The following KCNAB1 variants were observed in gnomAD, a reference collection of about 807,000 sequenced individuals.
KCNAB1 encodes potassium voltage-gated channel subfamily A regulatory beta subunit 1, also known as voltage-gated potassium channel subunit beta-1.
A neutral mutation model predicts 64.6 loss-of-function variants in KCNAB1; 35 were observed. The ratio of observed to expected loss-of-function variants is 0.54; its 90% CI spans 0.41 to 0.72. KCNAB1 has a LOEUF of 0.72. KCNAB1 is among the 30% of genes least tolerant of loss of function. The pLI is 0.00. For synonymous variants in KCNAB1, 177 were observed against 183.8 expected, an observed-to-expected ratio of 0.96 and a Z score of 0.30; for missense variants, 401 against 512.9, an observed-to-expected ratio of 0.78 and a Z score of 2.11.
At chr3:156,179,930 G>T (rs1468327683) in intron 1 of KCNAB1, among the ~76,000 whole-genome samples, 1 of 152,094 alleles carries the variant, frequency 6.6e-6, no homozygotes, top group Non-Finnish European at 1.5e-5. Flanking sequence ...TATCTATGTG[G>T]TAGGCTCTGT....
At chr3:156,246,933 C>T (rs115424689) in intron 1 of KCNAB1, among the ~76,000 whole-genome samples, 120 of 152,276 alleles carry the variant, frequency 7.9e-4, no homozygotes, top group African/African-American at 2.8e-3. Context: ...TGATTTAGAG[C>T]ATGAGAACTA....
At chr3:156,396,656 T>C (rs1241065492) in intron 1 of KCNAB1, among the ~76,000 whole-genome samples, 1 of 152,230 alleles carries the variant, frequency 6.6e-6, no homozygotes, top group Non-Finnish European at 1.5e-5. Flanking sequence ...TAATAAAGCC[T>C]GTTGCTCCTA....
intron 1 of KCNAB1, among the ~76,000 whole-genome samples, chr3:156,413,541 A>G (rs1245329722): frequency 2.0e-5 from 3 of 152,218 alleles, no homozygotes; most frequent in East Asian, 1.9e-4. Flanking sequence ...CCCATGTAAC[A>G]GATGGGACAC....
intron 1 of KCNAB1, among the ~76,000 whole-genome samples, chr3:156,415,426 T>C (rs1714981864): frequency 6.6e-6 from 1 of 151,992 alleles, no homozygotes; most frequent in Non-Finnish European, 1.5e-5. Context: ...CACACACATC[T>C]GGTGAACACC....
chr3:156,369,789 A>C (rs886179065), intron 1 of KCNAB1, among the ~76,000 whole-genome samples: 2 of 152,224 alleles, frequency 1.3e-5, no homozygotes, highest in Non-Finnish European at 2.9e-5. Flanking sequence ...AGTTTCTTCT[A>C]ACATAAAATG....
At chr3:156,307,562 C>T (rs1025766327) in intron 1 of KCNAB1, among the ~76,000 whole-genome samples, 1 of 151,980 alleles carries the variant, frequency 6.6e-6, no homozygotes, top group African/African-American at 2.4e-5. Context: ...AAAAGAAAAT[C>T]AAGGGCTGTG....
At chr3:156,418,396 T>C (rs1715238192) in intron 1 of KCNAB1, among the ~76,000 whole-genome samples, 1 of 152,242 alleles carries the variant, frequency 6.6e-6, no homozygotes, top group South Asian at 2.1e-4. Context: ...TTATTTGATA[T>C]TAAAGCCACA....
chr3:156,317,301 A>G (rs1033866499), intron 1 of KCNAB1, among the ~76,000 whole-genome samples: 1 of 152,214 alleles, frequency 6.6e-6, no homozygotes, highest in Non-Finnish European at 1.5e-5. Context: ...AGTGTAATTA[A>G]GATTATGTCA....
rs556721187 is a variant in KCNAB1, at chr3:156,466,136, C to T, written c.571+450C>T. Among the ~76,000 whole-genome samples the T allele has an allele frequency of 1.1e-3, 165 of 152,050 alleles. 1 individual carries two copies. Among genetic ancestry groups the T allele is most frequent in the Non-Finnish European group, 1.9e-3 (127 of 67,984 alleles). On this transcript the variant is annotated intron_variant, in intron 7 of 13. Coordinates refer to ENST00000490337, the MANE Select transcript of KCNAB1 (RefSeq NM_172160.3). ...CCCACTAGAAGACACTCCCTATCAC[C>T]TCCTCACCCCCTCCCACAGTCCCAA... is the stretch of plus-strand genomic sequence containing the variant.
chr3:156,266,691 TC>T (rs1718739744), intron 1 of KCNAB1, among the ~76,000 whole-genome samples: 1 of 152,198 alleles, frequency 6.6e-6, no homozygotes, highest in Admixed American at 6.5e-5. Context: ...ATCAGACCAC[TC>T]CCTGCCTGAC....
chr3:156,347,261 CA>C (rs2108077449), intron 1 of KCNAB1, among the ~76,000 whole-genome samples: 1 of 152,292 alleles, frequency 6.6e-6, no homozygotes, highest in Admixed American at 6.5e-5. Context: ...GAGCAGCAAA[CA>C]CTGAAATAAT....
At chr3:156,291,286 C>T (rs1720394556) in intron 1 of KCNAB1, 1 of 989,724 alleles carries the variant, frequency 1.0e-6, no homozygotes, top group South Asian at 4.6e-5. Flanking sequence ...CTTGAGGAGC[C>T]CCCACGTCCT....
chr3:156,368,947 G>A (rs991613287), intron 1 of KCNAB1, among the ~76,000 whole-genome samples: 2 of 152,206 alleles, frequency 1.3e-5, no homozygotes, highest in South Asian at 2.1e-4. Flanking sequence ...TCTTTAATAC[G>A]TTCATTGATA....
intron 8 of KCNAB1, among the ~76,000 whole-genome samples, chr3:156,482,032 G>A (rs946020838): frequency 4.6e-5 from 7 of 152,116 alleles, no homozygotes; most frequent in Non-Finnish European, 8.8e-5. Context: ...AAATCTAATG[G>A]AGATAGCCAA....
chr3:156,405,040 A>G (rs538974916), intron 1 of KCNAB1, among the ~76,000 whole-genome samples: 1 of 152,350 alleles, frequency 6.6e-6, no homozygotes, highest in South Asian at 2.1e-4. Context: ...GCAAGTTAAC[A>G]TTGCTAGATG....
In KCNAB1 at chr3:156,400,830, A is replaced by G. The variant is rs566712681; in HGVS notation, c.276-20786A>G. Among the ~76,000 whole-genome samples, 46 of 152,250 alleles carry G rather than the reference A, an allele frequency of 3.0e-4. 2 individuals carry two copies. The highest frequency in any genetic ancestry group is 1.0e-3 in the African/African-American group (42 of 41,554). ...TCCTGGGAAGCCTCTTTCAAATACC[A>G]TCAAGCAGAGTTTCTCACTCACTTC... On this transcript the variant is annotated intron_variant, in intron 1 of 13. Transcript: ENST00000490337.
intron 1 of KCNAB1, among the ~76,000 whole-genome samples, chr3:156,201,972 C>T (rs1714361418): frequency 6.6e-6 from 1 of 152,070 alleles, no homozygotes; most frequent in African/African-American, 2.4e-5. Flanking sequence ...GGCTGGGGCT[C>T]CCACAGAGGC....
intron 3 of KCNAB1, 180 bp from the exon 4 acceptor site, chr3:156,457,273 A>C: frequency 7.1e-7 from 1 of 1,405,780 alleles, no homozygotes; most frequent in Non-Finnish European, 9.3e-7. Context: ...GAAGGAAAGA[A>C]TACTTCTGTC....
At chr3:156,334,907 A>G (rs940642082) in intron 1 of KCNAB1, among the ~76,000 whole-genome samples, 2 of 152,142 alleles carry the variant, frequency 1.3e-5, no homozygotes, top group African/African-American at 4.8e-5. Context: ...CCCCAACCTC[A>G]GGCTTTCTTG....
Sources: allele counts gnomAD v4.1 joint callset (sites outside exome capture counted in the v4.1 genomes callset), GRCh38; gene constraint gnomAD v4.1.1; transcripts MANE v1.5; gene names NCBI Gene and HGNC (gene_info 2026-07-23, HGNC 2026-07-21).